The following DTNA variants were observed in gnomAD, a reference collection of about 807,000 sequenced individuals.
DTNA encodes dystrobrevin alpha, also known as dystrophin-related protein 3.
Under a neutral mutation model 100.7 loss-of-function variants are expected in DTNA, and 43 were observed. The ratio of observed to expected loss-of-function variants is 0.43; its 90% confidence interval spans 0.33 to 0.55. The LOEUF is 0.55. Among genes scored for constraint, DTNA ranks in the 20% least tolerant of loss-of-function variants. The pLI, the probability that DTNA is intolerant of heterozygous loss-of-function variation, is 0.04. For missense variants in DTNA, 798 were observed against 953.9 expected, an observed-to-expected ratio of 0.84 and a Z score of 2.15; for synonymous variants, 349 against 347.9, an observed-to-expected ratio of 1.00 and a Z score of -0.04.
intron 1 of DTNA, among the ~76,000 whole-genome samples, chr18:34,546,066 T>C (rs540182367): frequency 2.0e-5 from 3 of 152,204 alleles, no homozygotes; most frequent in South Asian, 2.1e-4. Context: ...TACAATTTCC[T>C]GTAAATTGGT....
intron 1 of DTNA, among the ~76,000 whole-genome samples, chr18:34,675,236 C>T (rs1026332525): frequency 1.3e-5 from 2 of 151,930 alleles, no homozygotes; most frequent in African/African-American, 4.8e-5. Context: ...GCCAGTTGCA[C>T]GTACCCACCC....
intron 1 of DTNA, among the ~76,000 whole-genome samples, chr18:34,680,634 T>C (rs558528730): frequency 1.3e-5 from 2 of 152,260 alleles, no homozygotes; most frequent in South Asian, 4.2e-4. Context: ...AACTTACAGG[T>C]GTATAAATTT....
At chr18:34,708,532 A>C (rs1286642158), upstream of DTNA, among the ~76,000 whole-genome samples, 1 of 152,178 alleles carries the variant, frequency 6.6e-6, no homozygotes, top group African/African-American at 2.4e-5. Flanking sequence ...AGTCCATTTC[A>C]TACTAGAAAT....
chr18:34,551,845 C>T (rs2045456965), intron 1 of DTNA, among the ~76,000 whole-genome samples: 1 of 152,094 alleles, frequency 6.6e-6, no homozygotes, highest in Non-Finnish European at 1.5e-5. Context: ...GAAAATTTAC[C>T]TCTGTGACGC....
chr18:34,566,247 A>G (rs965491389), intron 1 of DTNA, among the ~76,000 whole-genome samples: 1 of 152,092 alleles, frequency 6.6e-6, no homozygotes, highest in Non-Finnish European at 1.5e-5. Context: ...CCAGCAGAGA[A>G]GGGTGGCATA....
intron 5 of DTNA, among the ~76,000 whole-genome samples, chr18:34,807,471 T>C (rs1312933047): frequency 1.3e-5 from 2 of 152,188 alleles, no homozygotes; most frequent in African/African-American, 4.8e-5. Context: ...GCTCACCTGC[T>C]GCCTGTCCTC....
At chr18:34,837,162 G>A (rs1394284682) in intron 11 of DTNA, among the ~76,000 whole-genome samples, 1 of 152,088 alleles carries the variant, frequency 6.6e-6, no homozygotes, top group Non-Finnish European at 1.5e-5. Flanking sequence ...TTTCCATGAA[G>A]AAGGAGAGGG....
chr18:34,841,858 A>G (rs1298922784), intron 13 of DTNA, among the ~76,000 whole-genome samples: 6 of 152,174 alleles, frequency 3.9e-5, no homozygotes, highest in African/African-American at 1.4e-4. Flanking sequence ...CTTCTACCCT[A>G]TATTAACTAC....
At position 34,546,517 on chromosome 18, in the gene DTNA, T is replaced by G. The variant is rs193138995; in HGVS notation, c.-2+53003T>G. 5.7e-3 allele frequency among the ~76,000 whole-genome samples: 866 copies of G among 152,250 alleles called. 5 individuals are homozygous for G. Among genetic ancestry groups the G allele is most frequent in the South Asian group, 0.03 (144 of 4,826 alleles). On this transcript the variant is annotated intron_variant, in intron 1 of 19. Transcript: ENST00000283365. ...TCCTGCTTGACTGACTCTATGCTAGTAAATATGCCTCTGACAAATTAGTCA... is the reference window on the plus strand; with the variant it reads ...TCCTGCTTGACTGACTCTATGCTAGGAAATATGCCTCTGACAAATTAGTCA...
At chr18:34,547,359 G>T (rs921360363) in intron 1 of DTNA, among the ~76,000 whole-genome samples, 1 of 151,898 alleles carries the variant, frequency 6.6e-6, no homozygotes, top group African/African-American at 2.4e-5. Context: ...TTCCCCCAAC[G>T]TTCATCATAA....
At chr18:34,531,043 G>A (rs116363168) in intron 1 of DTNA, among the ~76,000 whole-genome samples, 57 of 152,120 alleles carry the variant, frequency 3.7e-4, no homozygotes, top group African/African-American at 1.3e-3. Context: ...TTATTTTTCT[G>A]GAAAACCACT....
At chr18:34,818,523 T>G (rs1483770460) in intron 8 of DTNA, 193 bp downstream of exon 8, 2 of 1,464,626 alleles carry the variant, frequency 1.4e-6, no homozygotes, top group Admixed American at 4.5e-5. Flanking sequence ...CCAGTGTAGC[T>G]TCCTGAGATT....
chr18:34,684,212 A>T (rs1032905887), intron 1 of DTNA, among the ~76,000 whole-genome samples: 1 of 152,136 alleles, frequency 6.6e-6, no homozygotes, highest in Non-Finnish European at 1.5e-5. Flanking sequence ...AGTTTGCTAC[A>T]CAGGCATACA....
intron 1 of DTNA, among the ~76,000 whole-genome samples, chr18:34,591,158 T>A (rs1047130494): frequency 6.6e-6 from 1 of 152,110 alleles, no homozygotes; most frequent in African/African-American, 2.4e-5. Context: ...TTGGTAGAAG[T>A]GCTCTTAACA....
chr18:34,737,923 T>C (rs1056606043), intron 1 of DTNA: 3 of 152,090 alleles, frequency 2.0e-5, no homozygotes, highest in African/African-American at 7.2e-5. Context: ...TTCATGAAGA[T>C]TTTATGACAA....
chr18:34,602,384 T>C (rs899705927), intron 1 of DTNA, among the ~76,000 whole-genome samples: 4 of 152,212 alleles, frequency 2.6e-5, no homozygotes, highest in African/African-American at 9.6e-5. Context: ...CGTATCCCTT[T>C]CTTGGAGATT....
chr18:34,739,535 G>T (rs1005823261), intron 1 of DTNA, among the ~76,000 whole-genome samples: 5 of 152,136 alleles, frequency 3.3e-5, no homozygotes, highest in African/African-American at 1.2e-4. Flanking sequence ...GACTTCTGTG[G>T]ACCCTTGTAA....
In DTNA at chr18:34,875,281, A is replaced by G. The variant is rs1056092361; in HGVS notation, c.1786A>G (p.Ile596Val). ...TCCCCGCTCCTCCCCCAGCCACACC[A>G]TCAGCAGGCCAATTCCCATGCCCAT... is the stretch of plus-strand genomic sequence containing the variant. The part of the protein sequence containing the change: ...GSPRSSPSHT[I>V]SRPIPMPIRS... The change falls in exon 18 of 23, where the codon ATC becomes GTC. Residue 596 changes from isoleucine to valine, a missense_variant. Coordinates refer to ENST00000444659, the MANE Select transcript of DTNA (RefSeq NM_001386795.1). The G allele has an allele frequency of 3.1e-6, 5 of 1,613,990 alleles. No individual in the cohort carries two copies. In the African/African-American group the frequency reaches 6.7e-5, roughly 22 times the overall value.
chr18:34,754,993 G>A (rs1243281845), intron 1 of DTNA, among the ~76,000 whole-genome samples: 2 of 152,134 alleles, frequency 1.3e-5, no homozygotes, highest in South Asian at 2.1e-4. Flanking sequence ...GAAAGAGCAG[G>A]GGCCATAGCC....
Sources: allele counts gnomAD v4.1 joint callset (sites outside exome capture counted in the v4.1 genomes callset), GRCh38; gene constraint gnomAD v4.1.1; transcripts MANE v1.5; gene names NCBI Gene and HGNC (gene_info 2026-07-23, HGNC 2026-07-21).